METRNL: variants seen among roughly 807,000 people sequenced by gnomAD.
METRNL encodes meteorin-like protein.
A neutral mutation model predicts 17.4 loss-of-function variants in METRNL; 9 were observed. That is an observed-to-expected ratio of 0.52 (90% CI 0.31 to 0.90). The LOEUF is 0.90. METRNL is among the 40% of genes least tolerant of loss of function. The pLI is 0.05. For missense variants in METRNL, 408 were observed against 430.7 expected (o/e 0.95, Z 0.47); for synonymous variants, 215 against 199.3 (o/e 1.08, Z -0.66).
At chr17:83,086,761 C>G (rs1013566185) in intron 2 of METRNL, among the ~76,000 whole-genome samples, 1 of 152,174 alleles carries the variant, frequency 6.6e-6, no homozygotes, top group Non-Finnish European at 1.5e-5. Context: ...TGGTGTAGTC[C>G]GTCCCTGCCA....
At chr17:83,085,452 C>G (rs1324952956) in intron 2 of METRNL, 129 bp downstream of exon 2, 1 of 1,262,808 alleles carries the variant, frequency 7.9e-7, no homozygotes, top group Non-Finnish European at 1.1e-6. Flanking sequence ...TGTGTCTGTG[C>G]TTCGGACATG....
rs759791399 is a variant in METRNL at position 83,094,374 on chromosome 17, G to A, written c.735G>A (p.Glu245=). ...GCAGGGTCTTCGAGCCGGTGCCCGAGGGTGACGGCCACTGGCAGGGGCGCG... is the reference window on the plus strand; with the variant it reads ...GCAGGGTCTTCGAGCCGGTGCCCGAAGGTGACGGCCACTGGCAGGGGCGCG... The part of the protein sequence containing the change: ...QKSRVFEPVP[E]GDGHWQGRVR... Residue 245 remains glutamate (E), a synonymous_variant, in exon 4 of 4, where the codon GAG becomes GAA. Coordinates refer to ENST00000320095, the MANE Select transcript of METRNL (RefSeq NM_001004431.3). 3.1e-6 allele frequency: 5 copies of A among 1,610,896 alleles called. No individual in the cohort carries two copies. In the South Asian group the frequency reaches 4.4e-5, roughly 14 times the overall value.
intron 2 of METRNL, among the ~76,000 whole-genome samples, chr17:83,088,079 C>T (rs113291429): frequency 0.049 from 7,437 of 152,274 alleles, 610 homozygotes; most frequent in African/African-American, 0.17. Flanking sequence ...GCAGGCTGCT[C>T]CTCCAGGGGT....
At chr17:83,081,248 C>T (rs1408290219) in intron 1 of METRNL, among the ~76,000 whole-genome samples, 2 of 152,232 alleles carry the variant, frequency 1.3e-5, no homozygotes, top group South Asian at 2.1e-4. Flanking sequence ...TCTGGGGCCG[C>T]CCCTGCCCCC....
intron 1 of METRNL, chr17:83,081,949 C>A: frequency 2.7e-6 from 1 of 364,762 alleles, no homozygotes; most frequent in African/African-American, 2.2e-5. Context: ...CCTGACGAAG[C>A]ACAGGGTGGA....
At position 83,089,765 on chromosome 17, in the gene METRNL, C is replaced by T. The variant is rs533970332; in HGVS notation, c.557-3402C>T. Among the ~76,000 whole-genome samples the T allele has an allele frequency of 8.1e-4, 124 of 152,268 alleles. 1 individual carries two copies. The highest frequency in any genetic ancestry group is 1.2e-3 in the Non-Finnish European group (79 of 68,014). On this transcript the variant is annotated intron_variant, in intron 2 of 3. Coordinates refer to ENST00000320095, the MANE Select transcript of METRNL (RefSeq NM_001004431.3). ...TTGTCTCCCGGCGTCCACCGGCGTC[C>T]ACCCTGCATTCTCCGTGAAGGTGAC...
intron 2 of METRNL, among the ~76,000 whole-genome samples, chr17:83,088,624 C>T (rs1479405403): frequency 6.6e-6 from 1 of 152,122 alleles, no homozygotes; most frequent in East Asian, 1.9e-4. Flanking sequence ...GGGATGCTGC[C>T]TTGATGCTGA....
rs183264603 is a variant in METRNL, at chr17:83,085,929, A to G, written c.556+606A>G. ...AGCGGTGCTGAGCTGTGACGCCCAG[A>G]ACATGGGGCCACCCCCGTCCCAGAG... On this transcript the variant is annotated intron_variant, in intron 2 of 3. Transcript: ENST00000320095. Among the ~76,000 whole-genome samples, 499 of 152,340 alleles carry G rather than the reference A, an allele frequency of 3.3e-3. 3 individuals are homozygous for G. The highest frequency in any genetic ancestry group is 0.011 in the African/African-American group (477 of 41,578).
chr17:83,089,738 G>A (rs567105021), intron 2 of METRNL, among the ~76,000 whole-genome samples: 1 of 150,688 alleles, frequency 6.6e-6, no homozygotes, highest in African/African-American at 2.5e-5. Flanking sequence ...ATTGTCTCCC[G>A]ATTGTCTCCC....
chr17:83,093,779 T>C (rs948550964), intron 3 of METRNL, among the ~76,000 whole-genome samples: 1 of 152,122 alleles, frequency 6.6e-6, no homozygotes, highest in African/African-American at 2.4e-5. Context: ...AGCCATGTCC[T>C]GCAGGCCCCG....
chr17:83,091,764 A>G (rs1485976076), intron 2 of METRNL, among the ~76,000 whole-genome samples: 1 of 152,164 alleles, frequency 6.6e-6, no homozygotes, highest in African/African-American at 2.4e-5. Flanking sequence ...GACGTTTCAG[A>G]GCCTTCAGAA....
Position 83,090,832 on chromosome 17 carries a change from C to T in METRNL, c.557-2335C>T, listed in dbSNP as rs574948922. On this transcript the variant is annotated intron_variant, in intron 2 of 3. Transcript: ENST00000320095. ...GTGCTGCCTGAAATTTGAGATCCCC[C>T]AGTGCTCCCTCCTTGTTGCTTCCGG... Among the ~76,000 whole-genome samples, 12 of 152,174 alleles carry T rather than the reference C, an allele frequency of 7.9e-5. No individual in the cohort carries two copies. In the South Asian group the frequency reaches 2.5e-3, roughly 32 times the overall value.
chr17:83,087,112 G>A (rs376683816), intron 2 of METRNL, among the ~76,000 whole-genome samples: 7 of 152,124 alleles, frequency 4.6e-5, no homozygotes, highest in African/African-American at 1.7e-4. Context: ...CTCACCCTCC[G>A]TGTGCCTCCT....
At chr17:83,084,789 G>T (rs1600485683) in intron 1 of METRNL, 149 bp from the exon 2 acceptor site, 1 of 971,152 alleles carries the variant, frequency 1.0e-6, no homozygotes, top group Admixed American at 2.8e-5. Context: ...TCACGGGCAG[G>T]GGTCCGTGTG....
chr17:83,087,430 A>T (rs1419957227), intron 2 of METRNL, among the ~76,000 whole-genome samples: 1 of 152,116 alleles, frequency 6.6e-6, no homozygotes, highest in Non-Finnish European at 1.5e-5. Flanking sequence ...GCACAGATGC[A>T]GGCCCCTCCC....
In METRNL at chr17:83,088,959, C is replaced by T. The variant is rs746189653; in HGVS notation, c.556+3636C>T. On this transcript the variant is annotated intron_variant, in intron 2 of 3. Coordinates refer to ENST00000320095, the MANE Select transcript of METRNL (RefSeq NM_001004431.3). The stretch of plus-strand genomic sequence containing the variant: ...GGCTTCCTGCTTGGTGCCTTCTCTC[C>T]GGCCACTGTAATTTTCATTTTAACC... 1.2e-4 allele frequency among the ~76,000 whole-genome samples: 18 copies of T among 152,244 alleles called. 1 individual carries two copies. In the South Asian group the frequency reaches 1.2e-3, roughly 11 times the overall value.
chr17:83,091,955 C>T (rs1194505925), intron 2 of METRNL, among the ~76,000 whole-genome samples: 8 of 152,292 alleles, frequency 5.3e-5, no homozygotes, highest in Admixed American at 2.0e-4. Context: ...GAATGCGGGG[C>T]GTGCAGAGGT....
intron 2 of METRNL, among the ~76,000 whole-genome samples, chr17:83,091,158 G>A (rs1054086559): frequency 6.6e-6 from 1 of 152,054 alleles, no homozygotes; most frequent in Non-Finnish European, 1.5e-5. Flanking sequence ...TGCCCCCCCA[G>A]TGCCAGGCTG....
In METRNL at chr17:83,086,540, A is replaced by G. The variant is rs996705606; in HGVS notation, c.556+1217A>G. ...CTTGCTCTGGGGGCCCTGGAGAAAA[A>G]CTCACAATGAGGCGAAACCTGGAGA... On this transcript the variant is annotated intron_variant, in intron 2 of 3. Transcript: ENST00000320095. Among the ~76,000 whole-genome samples, 13 of 152,056 alleles carry G rather than the reference A, an allele frequency of 8.5e-5. No homozygotes were observed. In the South Asian group the frequency reaches 2.7e-3, roughly 32 times the overall value.
Sources: gnomAD v4.1 joint callset for allele counts (sites outside exome capture counted in the v4.1 genomes callset) on GRCh38, gnomAD v4.1.1 for gene constraint, MANE v1.5 for transcripts, NCBI Gene and HGNC (gene_info 2026-07-23, HGNC 2026-07-21) for gene names.